Variants in RAD51B observed in about 807,000 individuals in gnomAD.
The protein encoded by RAD51B is DNA repair protein RAD51 homolog 2.
RAD51B carries 38 observed loss-of-function variants against 42.2 expected under a neutral mutation model. That is an observed-to-expected ratio of 0.90 (90% CI 0.70 to 1.18). The LOEUF is 1.18. Ranked by LOEUF, RAD51B falls within the 50% of genes most tolerant of loss-of-function variation. The pLI is 0.00. For missense variants in RAD51B, 373 were observed against 400.7 expected, an observed-to-expected ratio of 0.93 and a Z score of 0.59; for synonymous variants, 154 against 145.2, an observed-to-expected ratio of 1.06 and a Z score of -0.43.
intron 10 of RAD51B, among the ~76,000 whole-genome samples, chr14:68,542,507 T>A (rs189770872): frequency 6.6e-6 from 1 of 152,290 alleles, no homozygotes. Flanking sequence ...ATTGTAGTGA[T>A]TCATATGTCA....
chr14:68,650,814 T>C, exon 11 of RAD51B: 2 of 761,386 alleles, frequency 2.6e-6, no homozygotes, highest in Non-Finnish European at 4.8e-6. Context: ...GGTTTCTCAA[T>C]CCAGAACAGA....
intron 10 of RAD51B, among the ~76,000 whole-genome samples, chr14:68,557,296 T>C (rs1888903332): frequency 6.6e-6 from 1 of 152,196 alleles, no homozygotes; most frequent in Admixed American, 6.5e-5. Flanking sequence ...TAGCCTCGCC[T>C]ACCGTACACA....
intron 7 of RAD51B, among the ~76,000 whole-genome samples, chr14:67,910,593 CT>C (rs995537877): frequency 6.6e-6 from 1 of 150,662 alleles, no homozygotes; most frequent in Non-Finnish European, 1.5e-5. Context: ...TGCCTTTTAA[CT>C]TTTTTTTTAA....
At chr14:68,197,404 T>A (rs2079394783) in intron 7 of RAD51B, among the ~76,000 whole-genome samples, 1 of 152,216 alleles carries the variant, frequency 6.6e-6, no homozygotes, top group South Asian at 2.1e-4. Flanking sequence ...TGTAAAAATA[T>A]AAGACAATTA....
At chr14:68,192,940 T>C (rs1404552390) in intron 7 of RAD51B, among the ~76,000 whole-genome samples, 1 of 152,206 alleles carries the variant, frequency 6.6e-6, no homozygotes, top group Non-Finnish European at 1.5e-5. Context: ...GATTGTCAGC[T>C]TCATCCTAAA....
At chr14:68,247,868 A>T (rs1428168851) in intron 7 of RAD51B, among the ~76,000 whole-genome samples, 1 of 152,246 alleles carries the variant, frequency 6.6e-6, no homozygotes, top group Non-Finnish European at 1.5e-5. Flanking sequence ...TAACTGCAAA[A>T]AGAGAACAAT....
chr14:68,210,271 A>G (rs2079679525), intron 7 of RAD51B, among the ~76,000 whole-genome samples: 1 of 152,152 alleles, frequency 6.6e-6, no homozygotes, highest in Non-Finnish European at 1.5e-5. Context: ...GAATATCTTT[A>G]GAATAGTTCT....
chr14:68,469,497 A>T (rs945117921), intron 10 of RAD51B, among the ~76,000 whole-genome samples: 1 of 152,230 alleles, frequency 6.6e-6, no homozygotes, highest in African/African-American at 2.4e-5. Context: ...CCTTTGACTT[A>T]TGCTATCCAA....
chr14:68,038,213 A>G (rs1388395850), intron 7 of RAD51B, among the ~76,000 whole-genome samples: 1 of 152,232 alleles, frequency 6.6e-6, no homozygotes, highest in African/African-American at 2.4e-5. Flanking sequence ...TATCTTTTAC[A>G]AATTAAAAAG....
At chr14:68,473,492 C>T (rs911371798) in intron 10 of RAD51B, among the ~76,000 whole-genome samples, 1 of 152,184 alleles carries the variant, frequency 6.6e-6, no homozygotes, top group African/African-American at 2.4e-5. Context: ...ATTCACTTTA[C>T]ATCCCCTCCC....
In RAD51B at chr14:68,303,391, G is replaced by T. The variant is rs149910500; in HGVS notation, c.853+11411G>T. ...GTTGACGGGTGCAGCAAACCACCAT[G>T]GCACATGTATACCCATGCAACAAAC... is the stretch of plus-strand genomic sequence containing the variant. On this transcript the variant is annotated intron_variant, in intron 8 of 10. Coordinates refer to ENST00000471583, the MANE Select transcript of RAD51B (RefSeq NM_133510.4). Among the ~76,000 whole-genome samples, 71 of 150,466 alleles carry T rather than the reference G, an allele frequency of 4.7e-4. 1 individual carries two copies. The highest frequency in any genetic ancestry group is 6.8e-3 in the Middle Eastern group (2 of 294).
At chr14:68,435,614 A>G (rs190293602) in intron 9 of RAD51B, among the ~76,000 whole-genome samples, 7 of 151,900 alleles carry the variant, frequency 4.6e-5, no homozygotes, top group Non-Finnish European at 5.9e-5. Context: ...TGCTTTCTAC[A>G]GTGGCTGAAC....
chr14:68,263,173 G>A (rs1566768592), intron 7 of RAD51B, among the ~76,000 whole-genome samples: 1 of 152,202 alleles, frequency 6.6e-6, no homozygotes, highest in Non-Finnish European at 1.5e-5. Context: ...CAGGATACCT[G>A]CAAGCATTTT....
At chr14:68,643,240 C>T (rs1256166797) in intron 10 of RAD51B, among the ~76,000 whole-genome samples, 2 of 152,164 alleles carry the variant, frequency 1.3e-5, no homozygotes, top group Non-Finnish European at 2.9e-5. Context: ...GAGGGCTGAA[C>T]CCTAAATCAT....
intron 10 of RAD51B, among the ~76,000 whole-genome samples, chr14:68,577,672 C>G (rs1437398331): frequency 2.0e-5 from 3 of 152,132 alleles, no homozygotes; most frequent in Admixed American, 2.0e-4. Context: ...CCAGCGCGCC[C>G]AGCCCCTGCT....
chr14:68,472,574 CA>C (rs1268994286), intron 10 of RAD51B, among the ~76,000 whole-genome samples: 1 of 152,326 alleles, frequency 6.6e-6, no homozygotes, highest in Admixed American at 6.5e-5. Flanking sequence ...TTGTTTGGAA[CA>C]GGACAGAAGA....
chr14:67,952,784 A>C (rs1178720955), intron 7 of RAD51B, among the ~76,000 whole-genome samples: 1 of 152,162 alleles, frequency 6.6e-6, no homozygotes, highest in Non-Finnish European at 1.5e-5. Context: ...TAATATTGTC[A>C]GGAACATGAC....
intron 7 of RAD51B, among the ~76,000 whole-genome samples, chr14:68,196,342 T>G (rs1317847714): frequency 6.6e-6 from 1 of 152,236 alleles, no homozygotes; most frequent in African/African-American, 2.4e-5. Flanking sequence ...GTTTATATTA[T>G]TTCCCTGCTT....
intron 10 of RAD51B, among the ~76,000 whole-genome samples, chr14:68,499,776 G>A (rs143354444): frequency 7.9e-5 from 12 of 152,290 alleles, no homozygotes; most frequent in East Asian, 1.9e-4. Flanking sequence ...TGGAGCCACC[G>A]GAATCTGGAA....
Sources: allele counts gnomAD v4.1 joint callset (sites outside exome capture counted in the v4.1 genomes callset), GRCh38; gene constraint gnomAD v4.1.1; transcripts MANE v1.5; gene names NCBI Gene and HGNC (gene_info 2026-07-23, HGNC 2026-07-21).